ERBB4: variants seen among roughly 807,000 people sequenced by gnomAD.
ERBB4 encodes the protein erb-b2 receptor tyrosine kinase 4.
Under a neutral mutation model 158.0 loss-of-function variants are expected in ERBB4, and 42 were observed. The observed-to-expected ratio is 0.27, with a 90% CI of 0.21 to 0.34. The LOEUF is 0.34. Among genes scored for constraint, ERBB4 ranks in the 10% least tolerant of loss-of-function variants. The pLI, the probability that ERBB4 is intolerant of heterozygous loss-of-function variation, is 1.00. For synonymous variants in ERBB4, 583 were observed against 558.7 expected, an observed-to-expected ratio of 1.04 and a Z score of -0.61; for missense variants, 1,333 against 1,624.1, an observed-to-expected ratio of 0.82 and a Z score of 3.08.
intron 19 of ERBB4, among the ~76,000 whole-genome samples, chr2:211,613,710 C>A (rs1437186430): frequency 5.9e-5 from 9 of 151,928 alleles, no homozygotes; most frequent in African/African-American, 9.7e-5. Context: ...TCAAAACTAC[C>A]ATGGGATATC....
rs542436928 is a variant in ERBB4 at position 212,171,557 on chromosome 2, A to G, written c.83-46654T>C. Among the ~76,000 whole-genome samples, 35 of 152,170 alleles carry G rather than the reference A, an allele frequency of 2.3e-4. No individual in the cohort carries two copies. The South Asian group carries it at 7.3e-3, about 32-fold the overall frequency. The stretch of plus-strand genomic sequence containing the variant: ...CCAACAAGTCTCATCTCAAATTGTA[A>G]TCCCCATAATCCCCACATATTGAAG... On this transcript the variant is annotated intron_variant, in intron 1 of 27. Coordinates refer to ENST00000342788, the MANE Select transcript of ERBB4 (RefSeq NM_005235.3).
intron 7 of ERBB4, among the ~76,000 whole-genome samples, chr2:211,716,452 G>A (rs577995826): frequency 2.6e-4 from 40 of 151,008 alleles, no homozygotes; most frequent in African/African-American, 8.5e-4. Flanking sequence ...CAAGGTGGGC[G>A]GATCACGAGG....
intron 3 of ERBB4, among the ~76,000 whole-genome samples, chr2:211,938,852 G>T (rs2080402916): frequency 6.6e-6 from 1 of 152,070 alleles, no homozygotes; most frequent in Non-Finnish European, 1.5e-5. Flanking sequence ...TATTTGAATT[G>T]ACATTACTTT....
intron 14 of ERBB4, 96 bp downstream of exon 14, chr2:211,673,068 G>T: frequency 1.0e-6 from 1 of 957,586 alleles, no homozygotes; most frequent in Non-Finnish European, 1.7e-6. Context: ...CATCCTGTAA[G>T]TAGCTATTGA....
chr2:211,763,838 A>T (rs1266726887), intron 4 of ERBB4, among the ~76,000 whole-genome samples: 1 of 151,864 alleles, frequency 6.6e-6, no homozygotes, highest in Non-Finnish European at 1.5e-5. Flanking sequence ...TGTTACTACC[A>T]CTTTTTCATC....
intron 1 of ERBB4, among the ~76,000 whole-genome samples, chr2:212,449,937 C>A (rs1362285682): frequency 5.3e-5 from 8 of 152,036 alleles, no homozygotes; most frequent in Non-Finnish European, 8.8e-5. Context: ...ATATCCATTC[C>A]TTTTTCTCCC....
chr2:211,956,561 C>T (rs2081040340), intron 2 of ERBB4, among the ~76,000 whole-genome samples: 1 of 152,020 alleles, frequency 6.6e-6, no homozygotes, highest in African/African-American at 2.4e-5. Flanking sequence ...TTACGTTCCT[C>T]TTCTGCACAA....
chr2:212,436,113 C>T (rs572523150), intron 1 of ERBB4, among the ~76,000 whole-genome samples: 19 of 151,590 alleles, frequency 1.3e-4, no homozygotes, highest in South Asian at 6.2e-4. Flanking sequence ...ATAGAGAAAA[C>T]GAGAAATTGA....
At chr2:212,108,095 T>G (rs1246259783) in intron 2 of ERBB4, among the ~76,000 whole-genome samples, 5 of 152,180 alleles carry the variant, frequency 3.3e-5, no homozygotes, top group African/African-American at 1.2e-4. Context: ...ATTAAAGAGT[T>G]TAAAACCTAG....
chr2:211,997,949 G>A (rs904594826), intron 2 of ERBB4, among the ~76,000 whole-genome samples: 1 of 150,398 alleles, frequency 6.6e-6, no homozygotes, highest in Admixed American at 6.6e-5. Context: ...CTGAGTTTAG[G>A]TAGAATGCAA....
intron 20 of ERBB4, among the ~76,000 whole-genome samples, chr2:211,503,478 C>T (rs980955291): frequency 6.6e-6 from 1 of 152,118 alleles, no homozygotes; most frequent in African/African-American, 2.4e-5. Context: ...ACAGCATACC[C>T]CACATTGATC....
At position 211,709,226 on chromosome 2, in the gene ERBB4, C is replaced by T. The variant is rs367684795; in HGVS notation, c.1124+2824G>A. Among the ~76,000 whole-genome samples, 80 of 117,794 alleles carry T rather than the reference C, an allele frequency of 6.8e-4. No individual in the cohort carries two copies. In the East Asian group the frequency reaches 0.017, roughly 25 times the overall value. 77.3% of individuals were successfully genotyped at this position (117,794 alleles called of 152,430 possible). A position where few individuals can be genotyped will look rare whatever the true frequency, so the allele number is the denominator to read the frequency against. ...TGGGCCGGAGGTGACTATATATATGCGTGTGTGTGTATATATATATATATA... is the reference window on the plus strand; with the variant it reads ...TGGGCCGGAGGTGACTATATATATGTGTGTGTGTGTATATATATATATATA... On this transcript the variant is annotated intron_variant, in intron 9 of 27. Coordinates refer to ENST00000342788, the MANE Select transcript of ERBB4 (RefSeq NM_005235.3).
At chr2:212,355,227 C>A (rs998714247) in intron 1 of ERBB4, among the ~76,000 whole-genome samples, 2 of 151,944 alleles carry the variant, frequency 1.3e-5, no homozygotes, top group African/African-American at 4.8e-5. Flanking sequence ...ATAACTAAGA[C>A]TACTACATCT....
At chr2:212,346,881 G>A (rs2089027089) in intron 1 of ERBB4, among the ~76,000 whole-genome samples, 1 of 152,056 alleles carries the variant, frequency 6.6e-6, no homozygotes, top group Non-Finnish European at 1.5e-5. Context: ...TTACTTTTAT[G>A]AATACTAAGC....
chr2:212,095,798 G>A (rs1358313375), intron 2 of ERBB4, among the ~76,000 whole-genome samples: 1 of 151,918 alleles, frequency 6.6e-6, no homozygotes, highest in Non-Finnish European at 1.5e-5. Flanking sequence ...AGCCGGGCGT[G>A]GTGGTGGGCG....
intron 3 of ERBB4, among the ~76,000 whole-genome samples, chr2:211,911,197 G>A (rs11887994): frequency 3.3e-5 from 5 of 151,922 alleles, no homozygotes; most frequent in Non-Finnish European, 7.4e-5. Context: ...TGAAGAGCCC[G>A]ACAGTCTTTT....
At chr2:212,332,044 G>T (rs2088202662) in intron 1 of ERBB4, among the ~76,000 whole-genome samples, 1 of 151,984 alleles carries the variant, frequency 6.6e-6, no homozygotes, top group Admixed American at 6.6e-5. Context: ...AGTATAGTTT[G>T]TCTCCTCAGT....
At chr2:212,518,013 A>T (rs1157782012) in intron 1 of ERBB4, among the ~76,000 whole-genome samples, 2 of 152,090 alleles carry the variant, frequency 1.3e-5, no homozygotes, top group Non-Finnish European at 2.9e-5. Flanking sequence ...CTAATATAGG[A>T]AAACTTAGAA....
At chr2:212,358,902 A>C (rs2089572525) in intron 1 of ERBB4, among the ~76,000 whole-genome samples, 1 of 151,804 alleles carries the variant, frequency 6.6e-6, no homozygotes, top group Non-Finnish European at 1.5e-5. Flanking sequence ...AGATGAATAC[A>C]TTCACTGAAT....
Sources: allele counts gnomAD v4.1 joint callset (sites outside exome capture counted in the v4.1 genomes callset), GRCh38; gene constraint gnomAD v4.1.1; transcripts MANE v1.5; gene names NCBI Gene and HGNC (gene_info 2026-07-23, HGNC 2026-07-21).